EPHA6: variants seen among roughly 807,000 people sequenced by gnomAD.
EPHA6 encodes ephrin type-A receptor 6.
EPHA6 carries 50 observed loss-of-function variants against 112.0 expected under a neutral mutation model. The ratio of observed to expected loss-of-function variants is 0.45; its 90% CI spans 0.36 to 0.56. The LOEUF is 0.56. Among genes scored for constraint, EPHA6 ranks in the 20% least tolerant of loss-of-function variants. The probability of loss-of-function intolerance (pLI) is 0.00; values close to 1 mark genes in which losing one functional copy is unlikely to be tolerated. For synonymous variants in EPHA6, 529 were observed against 490.7 expected (o/e 1.08, Z -1.03); for missense variants, 1,280 against 1,417.4 (o/e 0.90, Z 1.56).
intron 14 of EPHA6, among the ~76,000 whole-genome samples, chr3:97,658,502 A>C (rs946763091): frequency 2.6e-5 from 4 of 151,958 alleles, no homozygotes; most frequent in Non-Finnish European, 5.9e-5. Context: ...ATTTTATCTC[A>C]GAGTCTTAAA....
At chr3:97,642,635 T>C (rs1161793423) in intron 14 of EPHA6, among the ~76,000 whole-genome samples, 2 of 151,958 alleles carry the variant, frequency 1.3e-5, no homozygotes, top group African/African-American at 4.8e-5. Flanking sequence ...GAGAACTACG[T>C]GAAGAATGCA....
chr3:97,586,881 G>C (rs2093494575), intron 11 of EPHA6, among the ~76,000 whole-genome samples: 1 of 152,164 alleles, frequency 6.6e-6, no homozygotes, highest in Non-Finnish European at 1.5e-5. Context: ...AGGTACCAGA[G>C]TTCATCCAAA....
At chr3:97,216,092 T>C (rs2078027218) in intron 3 of EPHA6, among the ~76,000 whole-genome samples, 1 of 152,232 alleles carries the variant, frequency 6.6e-6, no homozygotes, top group South Asian at 2.1e-4. Context: ...GTACCTGAGA[T>C]GGGTAATTTC....
At position 97,648,480 on chromosome 3, in the gene EPHA6, G is replaced by C. The variant is rs2094084177; in HGVS notation, c.2784+10398G>C. Reference sequence around the variant, plus strand: ...GAGAGATTCTCCTTCACCTAATTTAGGTGTTTGTGAATTGGCTTGACTTTT... The same window carrying C: ...GAGAGATTCTCCTTCACCTAATTTACGTGTTTGTGAATTGGCTTGACTTTT... On this transcript the variant is annotated intron_variant, in intron 14 of 17. Coordinates refer to ENST00000389672, the MANE Select transcript of EPHA6 (RefSeq NM_001080448.3). 11 of 1,291,600 alleles carry C rather than the reference G, an allele frequency of 8.5e-6. No homozygotes were observed. In the South Asian group the frequency reaches 2.9e-4, roughly 34 times the overall value. The allele number at this position is 1,291,600 out of a possible 1,614,324, so 80.0% of individuals were successfully genotyped here.
At chr3:96,843,826 A>G (rs1426689287) in intron 1 of EPHA6, among the ~76,000 whole-genome samples, 2 of 152,104 alleles carry the variant, frequency 1.3e-5, no homozygotes, top group Non-Finnish European at 2.9e-5. Flanking sequence ...GACAATAGTT[A>G]ACAATAATAA....
intron 7 of EPHA6, among the ~76,000 whole-genome samples, chr3:97,452,205 A>G (rs1419283734): frequency 1.3e-5 from 2 of 151,854 alleles, no homozygotes; most frequent in Admixed American, 6.6e-5. Context: ...AAAATATGCT[A>G]GTGGAGATTC....
chr3:97,654,197 T>C (rs1241094388), intron 14 of EPHA6, among the ~76,000 whole-genome samples: 1 of 151,968 alleles, frequency 6.6e-6, no homozygotes. Flanking sequence ...TTGATTGTGG[T>C]TATGATTTCA....
At chr3:97,536,856 C>T (rs2092771155) in intron 11 of EPHA6, among the ~76,000 whole-genome samples, 1 of 151,978 alleles carries the variant, frequency 6.6e-6, no homozygotes, top group Non-Finnish European at 1.5e-5. Context: ...TTTTCACCAC[C>T]ACACACAAAA....
At chr3:96,874,590 T>C (rs1473180877) in intron 2 of EPHA6, among the ~76,000 whole-genome samples, 1 of 152,070 alleles carries the variant, frequency 6.6e-6, no homozygotes, top group Non-Finnish European at 1.5e-5. Context: ...GCAAGGGGCT[T>C]GCTAAGGGAT....
intron 14 of EPHA6, among the ~76,000 whole-genome samples, chr3:97,708,517 A>G (rs982068204): frequency 6.6e-6 from 1 of 152,252 alleles, no homozygotes; most frequent in Non-Finnish European, 1.5e-5. Flanking sequence ...GAAAATTTGA[A>G]GCCTGACCTT....
At chr3:97,502,345 T>C (rs1247904475) in intron 10 of EPHA6, among the ~76,000 whole-genome samples, 2 of 151,560 alleles carry the variant, frequency 1.3e-5, no homozygotes, top group Non-Finnish European at 2.9e-5. Flanking sequence ...ATTTTTGTAT[T>C]TTTAGTAGAG....
In EPHA6 at chr3:97,060,923, C is replaced by CAAAAAAA. The variant is rs71623565; in HGVS notation, c.1114+72951_1114+72957dup. ...TGGGCGACAGAGCCAGACTCCGTCT[C>CAAAAAAA]AAAAAAAAAAAAAAAAAAAAAAAAA... is the stretch of plus-strand genomic sequence containing the variant. On this transcript the variant is annotated intron_variant, in intron 3 of 17. Coordinates refer to ENST00000389672, the MANE Select transcript of EPHA6 (RefSeq NM_001080448.3). 5.6e-4 allele frequency among the ~76,000 whole-genome samples: 12 copies of CAAAAAAA among 21,242 alleles called. 2 individuals carry two copies. Among genetic ancestry groups the CAAAAAAA allele is most frequent in the East Asian group, 1.6e-3 (1 of 622 alleles). 13.9% of individuals were successfully genotyped at this position (21,242 alleles called of 152,430 possible).
chr3:97,571,805 C>A (rs917933555), intron 11 of EPHA6, among the ~76,000 whole-genome samples: 1 of 152,174 alleles, frequency 6.6e-6, no homozygotes, highest in African/African-American at 2.4e-5. Flanking sequence ...AGAGCAAATT[C>A]TCAGTTCACA....
intron 1 of EPHA6, among the ~76,000 whole-genome samples, chr3:96,831,243 C>G (rs1258817343): frequency 6.6e-6 from 1 of 151,770 alleles, no homozygotes; most frequent in East Asian, 1.9e-4. Flanking sequence ...ATTAATTTGT[C>G]CTGTATGTTT....
Position 97,331,369 on chromosome 3 carries a change from G to A in EPHA6, c.1607-73781G>A, listed in dbSNP as rs181412178. Reference sequence around the variant, plus strand: ...GAAGCAAGAACAAACACATTCAAAAGCTAGCAGAAGGCAAGAAATAACTAA... The same window carrying A: ...GAAGCAAGAACAAACACATTCAAAAACTAGCAGAAGGCAAGAAATAACTAA... On this transcript the variant is annotated intron_variant, in intron 5 of 17. Transcript: ENST00000389672. Among the ~76,000 whole-genome samples the A allele has an allele frequency of 5.5e-3, 839 of 152,178 alleles. 7 individuals are homozygous for A. Among genetic ancestry groups the A allele is most frequent in the African/African-American group, 0.018 (761 of 41,512 alleles).
intron 15 of EPHA6, among the ~76,000 whole-genome samples, chr3:97,723,111 T>C (rs2107803429): frequency 6.6e-6 from 1 of 152,348 alleles, no homozygotes; most frequent in East Asian, 1.9e-4. Flanking sequence ...TGATTCATAA[T>C]ATTCTTTTCT....
intron 2 of EPHA6, among the ~76,000 whole-genome samples, chr3:96,938,701 A>G (rs1379958841): frequency 1.3e-5 from 2 of 151,642 alleles, no homozygotes; most frequent in African/African-American, 2.4e-5. Flanking sequence ...TTCAAAGGGA[A>G]TGCTTCCAGT....
At chr3:97,252,228 A>G (rs2079162688) in intron 5 of EPHA6, among the ~76,000 whole-genome samples, 1 of 152,074 alleles carries the variant, frequency 6.6e-6, no homozygotes, top group Non-Finnish European at 1.5e-5. Flanking sequence ...TACCAGGGAT[A>G]CTTGAGCAGA....
chr3:97,323,747 T>G (rs995161550), intron 5 of EPHA6, among the ~76,000 whole-genome samples: 1 of 151,516 alleles, frequency 6.6e-6, no homozygotes, highest in Non-Finnish European at 1.5e-5. Context: ...GGAAAGAAAA[T>G]AAAATCTTCC....
Sources: gnomAD v4.1 joint callset for allele counts (sites outside exome capture counted in the v4.1 genomes callset) on GRCh38, gnomAD v4.1.1 for gene constraint, MANE v1.5 for transcripts, NCBI Gene and HGNC (gene_info 2026-07-23, HGNC 2026-07-21) for gene names.